WLS: variants seen among roughly 807,000 people sequenced by gnomAD.
WLS encodes the protein Wnt ligand secretion mediator, also known as protein wntless homolog.
WLS carries 23 observed loss-of-function variants against 62.8 expected under a neutral mutation model. The observed-to-expected ratio is 0.37, with a 90% CI of 0.26 to 0.52. The LOEUF (loss-of-function observed/expected upper bound fraction) is 0.52. WLS is among the 20% of genes least tolerant of loss of function. WLS has a pLI of 0.92. For synonymous variants in WLS, 246 were observed against 244.1 expected, an observed-to-expected ratio of 1.01 and a Z score of -0.07; for missense variants, 615 against 697.3, an observed-to-expected ratio of 0.88 and a Z score of 1.33.
At chr1:68,226,709 C>T (rs1021134764) in intron 1 of WLS, among the ~76,000 whole-genome samples, 3 of 152,096 alleles carry the variant, frequency 2.0e-5, no homozygotes, top group African/African-American at 4.8e-5. Flanking sequence ...TTACCAACCC[C>T]GTGTCGGCAT....
intron 2 of WLS, chr1:68,163,140 A>G: frequency 7.7e-7 from 1 of 1,298,974 alleles, no homozygotes; most frequent in Non-Finnish European, 1.1e-6. Flanking sequence ...GCAGTCCTCT[A>G]AGAACTTAGG....
chr1:68,147,198 C>A (rs1210344056), intron 8 of WLS, among the ~76,000 whole-genome samples: 2 of 152,164 alleles, frequency 1.3e-5, no homozygotes, highest in African/African-American at 2.4e-5. Context: ...TTCTGCAGGA[C>A]TTGAAATTTT....
chr1:68,226,297 G>A (rs571068115), intron 1 of WLS, among the ~76,000 whole-genome samples: 30 of 152,146 alleles, frequency 2.0e-4, no homozygotes, highest in African/African-American at 7.2e-4. Context: ...TTCAATCCCA[G>A]CTTTGACCAC....
chr1:68,223,754 T>C (rs764014390), intron 1 of WLS, among the ~76,000 whole-genome samples: 3 of 152,042 alleles, frequency 2.0e-5, no homozygotes, highest in Non-Finnish European at 4.4e-5. Context: ...AGGGAGTCAA[T>C]GAGATTTTAT....
chr1:68,215,871 C>T (rs913574917), intron 1 of WLS, among the ~76,000 whole-genome samples: 3 of 152,256 alleles, frequency 2.0e-5, no homozygotes, highest in Non-Finnish European at 1.5e-5. Flanking sequence ...TTAGTTTCAC[C>T]CTCATCTCCT....
intron 2 of WLS, among the ~76,000 whole-genome samples, chr1:68,165,297 G>A (rs1370776442): frequency 6.6e-6 from 1 of 152,016 alleles, no homozygotes; most frequent in Admixed American, 6.6e-5. Flanking sequence ...CTTTTAAAGG[G>A]TCCCACACTT....
chr1:68,120,396 G>C (rs1247823120), downstream of WLS, among the ~76,000 whole-genome samples: 2 of 152,204 alleles, frequency 1.3e-5, no homozygotes, highest in African/African-American at 4.8e-5. Flanking sequence ...TTGTTTTTAA[G>C]GCTGGACTAA....
At chr1:68,106,535 C>T (rs951630625) in intron 11 of WLS, among the ~76,000 whole-genome samples, 4 of 152,188 alleles carry the variant, frequency 2.6e-5, no homozygotes, top group African/African-American at 9.7e-5. Context: ...TTATTGGAGG[C>T]AAAACAATCA....
At chr1:68,148,008 G>A in intron 8 of WLS, 128 bp downstream of exon 8, 1 of 967,024 alleles carries the variant, frequency 1.0e-6, no homozygotes, top group Non-Finnish European at 1.6e-6. Flanking sequence ...GTGCTGTTAT[G>A]ATTGGCCTGA....
chr1:68,194,281 T>C (rs1464305960), intron 1 of WLS, 54 bp from the exon 2 acceptor site: 3 of 1,584,222 alleles, frequency 1.9e-6, no homozygotes, highest in Non-Finnish European at 2.6e-6. Context: ...AAACTACTGT[T>C]TCTGGTTAAT....
At chr1:68,122,799 A>G (rs1385012851), downstream of WLS, among the ~76,000 whole-genome samples, 1 of 151,984 alleles carries the variant, frequency 6.6e-6, no homozygotes, top group Admixed American at 6.6e-5. Context: ...TGAAATGGAG[A>G]CTTCTTTAGT....
chr1:68,120,194 G>A (rs1301661912), intron 11 of WLS, among the ~76,000 whole-genome samples: 1 of 152,210 alleles, frequency 6.6e-6, no homozygotes, highest in African/African-American at 2.4e-5. Flanking sequence ...TCTCATTCAG[G>A]TGGGGTGAAG....
At chr1:68,227,220 C>T (rs1319986912) in intron 1 of WLS, among the ~76,000 whole-genome samples, 4 of 151,984 alleles carry the variant, frequency 2.6e-5, no homozygotes, top group Non-Finnish European at 5.9e-5. Flanking sequence ...CCGGTGAAAC[C>T]CCGCCTGGCC....
chr1:68,117,944 G>A (rs1646314445), intron 11 of WLS, among the ~76,000 whole-genome samples: 2 of 151,640 alleles, frequency 1.3e-5, no homozygotes, highest in Non-Finnish European at 2.9e-5. Flanking sequence ...TCTTCCAGCT[G>A]GGAAACAAAT....
chr1:68,192,338 C>G (rs1648355871), intron 2 of WLS, among the ~76,000 whole-genome samples: 1 of 152,036 alleles, frequency 6.6e-6, no homozygotes, highest in Admixed American at 6.5e-5. Context: ...TACTTCAGAT[C>G]AGGCATGGTG....
chr1:68,207,386 A>C (rs1649324101), intron 1 of WLS, among the ~76,000 whole-genome samples: 1 of 152,258 alleles, frequency 6.6e-6, no homozygotes. Flanking sequence ...TATTATTCAG[A>C]AGAAATGAAA....
At chr1:68,193,771 G>A (rs1229993341) in intron 2 of WLS, 184 bp downstream of exon 2, 2 of 734,930 alleles carry the variant, frequency 2.7e-6, no homozygotes, top group African/African-American at 1.8e-5. Context: ...ACTACCTCAA[G>A]GAACCTGGTG....
chr1:68,105,965 T>C (rs912094246), intron 11 of WLS, among the ~76,000 whole-genome samples: 1 of 152,168 alleles, frequency 6.6e-6, no homozygotes, highest in Non-Finnish European at 1.5e-5. Flanking sequence ...AAGATGGTGA[T>C]ACATAATCAC....
At chr1:68,132,572 G>A (rs1160639974) in intron 11 of WLS, among the ~76,000 whole-genome samples, 1 of 152,200 alleles carries the variant, frequency 6.6e-6, no homozygotes, top group Non-Finnish European at 1.5e-5. Context: ...ACTGTAGCTA[G>A]CTGCCAAGAC....
Sources: allele counts gnomAD v4.1 joint callset (sites outside exome capture counted in the v4.1 genomes callset), GRCh38; gene constraint gnomAD v4.1.1; transcripts MANE v1.5; gene names NCBI Gene and HGNC (gene_info 2026-07-23, HGNC 2026-07-21).